PPP1R12B: variants seen among roughly 807,000 people sequenced by gnomAD.
The protein encoded by PPP1R12B is myosin phosphatase target subunit 2.
PPP1R12B carries 76 observed loss-of-function variants against 126.1 expected under a neutral mutation model. That is an observed-to-expected ratio of 0.60 (90% CI 0.50 to 0.73). The LOEUF (loss-of-function observed/expected upper bound fraction) is 0.73, where lower values mean the gene tolerates loss of function less well. Among genes scored for constraint, PPP1R12B ranks in the 30% least tolerant of loss-of-function variants. PPP1R12B has a pLI of 0.00. For synonymous variants in PPP1R12B, 356 were observed against 434.7 expected, an observed-to-expected ratio of 0.82 and a Z score of 2.25; for missense variants, 1,052 against 1,205.1, an observed-to-expected ratio of 0.87 and a Z score of 1.88.
At chr1:202,395,114 C>CAAAAAAA (rs71142529) in intron 1 of PPP1R12B, among the ~76,000 whole-genome samples, 3 of 97,936 alleles carry the variant, frequency 3.1e-5, no homozygotes, top group Admixed American at 1.2e-4. Flanking sequence ...GAGACTCTCT[C>CAAAAAAA]AAAAAAAAAA....
At chr1:202,393,153 G>A (rs1664393926) in intron 1 of PPP1R12B, among the ~76,000 whole-genome samples, 1 of 151,698 alleles carries the variant, frequency 6.6e-6, no homozygotes, top group Non-Finnish European at 1.5e-5. Context: ...TTGCCATGTT[G>A]GCCAGGGTGG....
At chr1:202,574,060 G>A (rs1260138963) in intron 23 of PPP1R12B, among the ~76,000 whole-genome samples, 1 of 151,470 alleles carries the variant, frequency 6.6e-6, no homozygotes, top group Admixed American at 6.6e-5. Flanking sequence ...AACTATCAGG[G>A]TTAATGAAGC....
chr1:202,516,508 G>T lies in PPP1R12B; in HGVS notation c.2490+19686G>T, dbSNP rs185952411. 1.1e-4 allele frequency among the ~76,000 whole-genome samples: 17 copies of T among 152,202 alleles called. 1 individual carries two copies. The East Asian group carries it at 3.1e-3, about 28-fold the overall frequency. Reference sequence around the variant, plus strand: ...GTGGGGCTGGGGAGCATGAAAGGATGATATCTTCTCTTTGTGACTCATCTG... The same window carrying T: ...GTGGGGCTGGGGAGCATGAAAGGATTATATCTTCTCTTTGTGACTCATCTG... On this transcript the variant is annotated intron_variant, in intron 18 of 23. Coordinates refer to ENST00000608999, the MANE Select transcript of PPP1R12B (RefSeq NM_002481.4).
At chr1:202,392,325 C>T (rs1162564215) in intron 1 of PPP1R12B, among the ~76,000 whole-genome samples, 1 of 152,068 alleles carries the variant, frequency 6.6e-6, no homozygotes, top group Non-Finnish European at 1.5e-5. Flanking sequence ...ATTCATGCTA[C>T]AGTTTGGATG....
chr1:202,414,481 A>G (rs1291937993), intron 1 of PPP1R12B, among the ~76,000 whole-genome samples: 2 of 152,242 alleles, frequency 1.3e-5, no homozygotes, highest in Non-Finnish European at 1.5e-5. Flanking sequence ...TCATTATATA[A>G]TATCAACAAA....
chr1:202,585,553 T>G lies in PPP1R12B; in HGVS notation c.*4993T>G, dbSNP rs1689765660. The stretch of plus-strand genomic sequence containing the variant: ...TCCTTTTGGCTTAAAATTCTGTGAT[T>G]TATTCATTCTTAGGAAGATCAGCAT... On this transcript the variant is annotated 3_prime_UTR_variant, in exon 24 of 24. Coordinates refer to ENST00000608999, the MANE Select transcript of PPP1R12B (RefSeq NM_002481.4). 1 of 152,236 alleles carries G rather than the reference T, an allele frequency of 6.6e-6. No homozygotes were observed. Among genetic ancestry groups the G allele is most frequent in the Non-Finnish European group, 1.5e-5 (1 of 68,040 alleles). 9.4% of individuals were successfully genotyped at this position (152,236 alleles called of 1,614,324 possible). A position where few individuals can be genotyped will look rare whatever the true frequency, so the allele number is the denominator to read the frequency against.
In PPP1R12B at chr1:202,567,803, G is replaced by A. The variant is rs745900024; in HGVS notation, c.2783G>A (p.Arg928Gln). Residue 928 changes from arginine to glutamine, a missense_variant, in exon 22 of 24, where the codon CGA (arginine) becomes CAA (glutamine). Physicochemically the swap from Arg to Gln is conservative, Grantham distance 43 (BLOSUM62 1). Coordinates refer to ENST00000608999, the MANE Select transcript of PPP1R12B (RefSeq NM_002481.4). ...CAGAAACAAGAAAAGACCTCTGACC[G>A]ATCATCAGTGCTGGAGATGGAGAAA... ...AQQKQEKTSD[R>Q]SSVLEMEKRE... The A allele has an allele frequency of 3.7e-6, 6 of 1,613,892 alleles. No individual in the cohort carries two copies. Among genetic ancestry groups the A allele is most frequent in the Non-Finnish European group, 4.2e-6 (5 of 1,179,950 alleles).
chr1:202,500,974 GT>G (rs1321012591), intron 18 of PPP1R12B, among the ~76,000 whole-genome samples: 16 of 152,250 alleles, frequency 1.1e-4, no homozygotes, highest in Non-Finnish European at 2.1e-4. Context: ...ATAGTGCATA[GT>G]TTTAGTCTGA....
At chr1:202,512,985 C>G (rs1572347254) in intron 18 of PPP1R12B, among the ~76,000 whole-genome samples, 1 of 152,134 alleles carries the variant, frequency 6.6e-6, no homozygotes, top group Non-Finnish European at 1.5e-5. Context: ...AAGGCAGGGT[C>G]TGGAATGAGA....
In PPP1R12B at chr1:202,459,289, A is replaced by C. The variant is rs1674016930; in HGVS notation, c.1850+10118A>C. On this transcript the variant is annotated intron_variant, in intron 13 of 23. Coordinates refer to ENST00000608999, the MANE Select transcript of PPP1R12B (RefSeq NM_002481.4). ...TTCCAAAGTTCCAGAATGATAAAGG[A>C]TTACTGTTATTATGGGGCAGAGGGA... Among the ~76,000 whole-genome samples, 5 of 151,860 alleles carry C rather than the reference A, an allele frequency of 3.3e-5. No individual in the cohort carries two copies. In the South Asian group the frequency reaches 1.0e-3, roughly 32 times the overall value.
chr1:202,368,234 G>A (rs1659626682), intron 1 of PPP1R12B, among the ~76,000 whole-genome samples: 1 of 152,092 alleles, frequency 6.6e-6, no homozygotes, highest in South Asian at 2.1e-4. Flanking sequence ...GCCTCCCAAA[G>A]TGCTGGGATT....
intron 18 of PPP1R12B, among the ~76,000 whole-genome samples, chr1:202,534,484 C>A (rs755861195): frequency 1.8e-4 from 27 of 151,418 alleles, no homozygotes; most frequent in Admixed American, 3.3e-4. Context: ...TATACATGTA[C>A]ATTTACATCT....
intron 18 of PPP1R12B, among the ~76,000 whole-genome samples, chr1:202,497,377 T>G (rs1679689864): frequency 6.6e-6 from 1 of 152,218 alleles, no homozygotes; most frequent in African/African-American, 2.4e-5. Flanking sequence ...TGTAAGCCAC[T>G]CAGACATGAT....
At chr1:202,533,889 T>C (rs944310159) in intron 18 of PPP1R12B, among the ~76,000 whole-genome samples, 3 of 152,240 alleles carry the variant, frequency 2.0e-5, no homozygotes, top group African/African-American at 7.2e-5. Flanking sequence ...TCTGATGTGG[T>C]ACTTTGAGAT....
chr1:202,500,955 A>G (rs1408572851), intron 18 of PPP1R12B, among the ~76,000 whole-genome samples: 3 of 152,234 alleles, frequency 2.0e-5, no homozygotes, highest in Non-Finnish European at 2.9e-5. Context: ...GACCCTACTT[A>G]AGCCCAACAT....
At position 202,488,533 on chromosome 1, in the gene PPP1R12B, G is replaced by A. The variant is rs751899270; in HGVS notation, c.1851G>A (p.Arg617=). The A allele has an allele frequency of 1.2e-6, 2 of 1,604,462 alleles. No individual in the cohort carries two copies. Among genetic ancestry groups the A allele is most frequent in the South Asian group, 1.1e-5 (1 of 90,040 alleles). ...DSSVEAREKR[R]SYLTPVRDEE... is the part of the protein sequence containing the mutation. ...TGCTATTACTTTTTTTTCTCTGCAG[G>A]TCCTATCTGACTCCTGTACGGGATG... is the stretch of plus-strand genomic sequence containing the variant. Residue 617 remains arginine, a splice_region_variant and synonymous_variant, in exon 14 of 24, where the codon AGG becomes AGA. Transcript: ENST00000608999.
intron 13 of PPP1R12B, among the ~76,000 whole-genome samples, chr1:202,450,703 T>C (rs755996740): frequency 2.0e-5 from 3 of 152,234 alleles, no homozygotes; most frequent in Non-Finnish European, 2.9e-5. Context: ...AGTTCTCTAC[T>C]CTGTTCCACT....
intron 10 of PPP1R12B, 160 bp downstream of exon 10, chr1:202,438,184 G>T (rs953165544): frequency 6.4e-7 from 1 of 1,558,986 alleles, no homozygotes; most frequent in Non-Finnish European, 8.6e-7. Flanking sequence ...TATTCAAGTA[G>T]CTATTTGCTT....
In PPP1R12B at chr1:202,431,615, G is replaced by A. The variant is rs529257899; in HGVS notation, c.1137G>A (p.Glu379=). The A allele has an allele frequency of 4.4e-6, 7 of 1,606,464 alleles. No homozygotes were observed. In the African/African-American group the frequency reaches 9.4e-5, roughly 22 times the overall value. ...DEASESETEK[E]ADKKPEAFVN... is the part of the protein sequence containing the mutation. ...CTTCTGAGTCAGAAACTGAGAAGGA[G>A]GCAGGTAATGCAAAGATGTTCATAG... Residue 379 remains glutamate (E), a synonymous_variant, in exon 8 of 24, where the codon GAG becomes GAA. Transcript: ENST00000608999.
Sources: gnomAD v4.1 joint callset for allele counts (sites outside exome capture counted in the v4.1 genomes callset) on GRCh38, gnomAD v4.1.1 for gene constraint, MANE v1.5 for transcripts, NCBI Gene and HGNC (gene_info 2026-07-23, HGNC 2026-07-21) for gene names.